The following TMCC1 variants were observed in gnomAD, a reference collection of about 807,000 sequenced individuals.
TMCC1 encodes transmembrane and coiled-coil domain family 1.
Under a neutral mutation model 52.4 loss-of-function variants are expected in TMCC1, and 15 were observed. The ratio of observed to expected loss-of-function variants is 0.29; its 90% CI spans 0.19 to 0.44. TMCC1 has a LOEUF of 0.44. Among genes scored for constraint, TMCC1 ranks in the 20% least tolerant of loss-of-function variants. The pLI, the probability that TMCC1 is intolerant of heterozygous loss-of-function variation, is 1.00. For synonymous variants in TMCC1, 279 were observed against 301.9 expected, an observed-to-expected ratio of 0.92 and a Z score of 0.79; for missense variants, 503 against 806.0, an observed-to-expected ratio of 0.62 and a Z score of 4.55.
chr3:129,763,026 G>A (rs1313116574), intron 4 of TMCC1, among the ~76,000 whole-genome samples: 1 of 150,986 alleles, frequency 6.6e-6, no homozygotes, highest in Non-Finnish European at 1.5e-5. Flanking sequence ...GTGAAACCCC[G>A]TCTCTACTAA....
At position 129,819,745 on chromosome 3, in the gene TMCC1, T is replaced by C. The variant is rs1057222118; in HGVS notation, c.576+8058A>G. On this transcript the variant is annotated intron_variant, in intron 4 of 6. Transcript: ENST00000393238. ...GAGTTGATGGACCAGTATGACTAAG[T>C]ACTCAAAATTATGATGTGAATGAAT... The C allele has an allele frequency of 3.3e-5, 5 of 152,112 alleles. No individual in the cohort carries two copies. The East Asian group carries it at 9.7e-4, about 29-fold the overall frequency. The allele number at this position is 152,112 out of a possible 1,614,324, so 9.4% of individuals were successfully genotyped here. A position where few individuals can be genotyped will look rare whatever the true frequency, so the allele number is the denominator to read the frequency against.
chr3:129,833,347 GATC>G (rs2107845436), intron 2 of TMCC1, among the ~76,000 whole-genome samples: 1 of 152,246 alleles, frequency 6.6e-6, no homozygotes, highest in Admixed American at 6.5e-5. Flanking sequence ...GAGGCAGGAA[GATC>G]ATCTGAGCCC....
chr3:129,685,137 G>A (rs1184436164), intron 4 of TMCC1, among the ~76,000 whole-genome samples: 1 of 152,158 alleles, frequency 6.6e-6, no homozygotes, highest in Non-Finnish European at 1.5e-5. Flanking sequence ...CCAGCACTTT[G>A]GAAGGCAGAC....
intron 5 of TMCC1, among the ~76,000 whole-genome samples, chr3:129,655,531 C>T (rs2086614995): frequency 6.6e-6 from 1 of 152,182 alleles, no homozygotes; most frequent in African/African-American, 2.4e-5. Flanking sequence ...CCAGAACTGG[C>T]CAGCTCACTC....
At chr3:129,864,085 G>A (rs1238406513) in intron 2 of TMCC1, among the ~76,000 whole-genome samples, 2 of 152,136 alleles carry the variant, frequency 1.3e-5, no homozygotes, top group South Asian at 4.1e-4. Flanking sequence ...GCATCCTTGT[G>A]CAGTTCTGTA....
intron 4 of TMCC1, among the ~76,000 whole-genome samples, chr3:129,749,266 A>G (rs1284372831): frequency 6.6e-6 from 1 of 152,184 alleles, no homozygotes; most frequent in African/African-American, 2.4e-5. Flanking sequence ...TCAGATACCA[A>G]TTACGAATCA....
chr3:129,715,460 T>A (rs1164115472), intron 4 of TMCC1, among the ~76,000 whole-genome samples: 1 of 152,190 alleles, frequency 6.6e-6, no homozygotes, highest in East Asian at 1.9e-4. Context: ...CTTGGGAGGC[T>A]GAGGCAGGAG....
At chr3:129,706,891 C>G (rs2108986987) in intron 4 of TMCC1, among the ~76,000 whole-genome samples, 1 of 152,096 alleles carries the variant, frequency 6.6e-6, no homozygotes, top group South Asian at 2.1e-4. Flanking sequence ...TCACTGCAGC[C>G]TCAAACTCCT....
chr3:129,821,048 C>A (rs979259015), intron 4 of TMCC1, among the ~76,000 whole-genome samples: 1 of 152,158 alleles, frequency 6.6e-6, no homozygotes, highest in Non-Finnish European at 1.5e-5. Flanking sequence ...TTAACTAAGA[C>A]CAACTGTTCA....
At chr3:129,836,116 G>C (rs2059149291) in intron 2 of TMCC1, among the ~76,000 whole-genome samples, 1 of 152,064 alleles carries the variant, frequency 6.6e-6, no homozygotes, top group South Asian at 2.1e-4. Flanking sequence ...ATGCACAAAA[G>C]CCATTAATAC....
At chr3:129,764,490 C>CTAA (rs977657834) in intron 4 of TMCC1, among the ~76,000 whole-genome samples, 1 of 151,938 alleles carries the variant, frequency 6.6e-6, no homozygotes, top group Non-Finnish European at 1.5e-5. Context: ...TTCTCACATC[C>CTAA]TAATAATAAT....
intron 2 of TMCC1, among the ~76,000 whole-genome samples, chr3:129,877,802 G>C (rs1398796540): frequency 6.6e-6 from 1 of 151,102 alleles, no homozygotes; most frequent in Non-Finnish European, 1.5e-5. Context: ...CTAATTTTTT[G>C]TATTTTTAAT....
intron 4 of TMCC1, among the ~76,000 whole-genome samples, chr3:129,737,242 G>GA (rs1035036957): frequency 2.5e-4 from 38 of 151,976 alleles, no homozygotes; most frequent in African/African-American, 8.4e-4. Context: ...TGAGGTGGGC[G>GA]AATCACCTGA....
At chr3:129,702,404 T>A (rs1001532588) in intron 4 of TMCC1, among the ~76,000 whole-genome samples, 1 of 152,162 alleles carries the variant, frequency 6.6e-6, no homozygotes, top group African/African-American at 2.4e-5. Flanking sequence ...AAAAAATATA[T>A]ATTGAGAAAT....
intron 2 of TMCC1, among the ~76,000 whole-genome samples, chr3:129,871,714 GA>G (rs573133070): frequency 6.7e-6 from 1 of 150,126 alleles, no homozygotes; most frequent in Non-Finnish European, 1.5e-5. Context: ...AAATTCATAA[GA>G]AAAAAAACTG....
intron 4 of TMCC1, among the ~76,000 whole-genome samples, chr3:129,758,298 A>G (rs1263282565): frequency 1.3e-5 from 2 of 152,258 alleles, no homozygotes; most frequent in Non-Finnish European, 2.9e-5. Flanking sequence ...GTACTAGATT[A>G]CAGTTGGAGA....
chr3:129,759,710 C>CTTTTTTTTTTTTT (rs61519484), intron 4 of TMCC1, among the ~76,000 whole-genome samples: 1 of 37,194 alleles, frequency 2.7e-5, no homozygotes, highest in African/African-American at 1.1e-4. Context: ...GCCAGCCAAA[C>CTTTTTTTTTTTTT]TTTTTTTTTT....
intron 4 of TMCC1, among the ~76,000 whole-genome samples, chr3:129,799,982 A>T (rs1359263365): frequency 6.6e-6 from 1 of 152,212 alleles, no homozygotes; most frequent in Non-Finnish European, 1.5e-5. Context: ...CTATGTCCAT[A>T]TCAAGATATA....
intron 4 of TMCC1, among the ~76,000 whole-genome samples, chr3:129,809,422 G>C (rs912099402): frequency 6.6e-6 from 1 of 152,088 alleles, no homozygotes; most frequent in Non-Finnish European, 1.5e-5. Context: ...TTCTCTGTAA[G>C]ACTAAGGACA....
Sources: allele counts gnomAD v4.1 joint callset (sites outside exome capture counted in the v4.1 genomes callset), GRCh38; gene constraint gnomAD v4.1.1; transcripts MANE v1.5; gene names NCBI Gene and HGNC (gene_info 2026-07-23, HGNC 2026-07-21).